EDA: variants seen among roughly 807,000 people sequenced by gnomAD.
The protein encoded by EDA is ectodysplasin A.
Under a neutral mutation model 23.6 loss-of-function variants are expected in EDA, and 2 were observed. The observed-to-expected ratio is 0.08, with a 90% confidence interval of 0.03 to 0.27. The LOEUF (loss-of-function observed/expected upper bound fraction) is 0.27. Among genes scored for constraint, EDA ranks in the 10% least tolerant of loss-of-function variants. The pLI, the probability that EDA is intolerant of heterozygous loss-of-function variation, is 1.00. For missense variants in EDA, 229 were observed against 324.2 expected, an observed-to-expected ratio of 0.71 and a Z score of 2.26; for synonymous variants, 131 against 132.0, an observed-to-expected ratio of 0.99 and a Z score of 0.05.
intron 1 of EDA, among the ~76,000 whole-genome samples, chrX:69,927,661 G>A (rs747027163): frequency 2.7e-5 from 3 of 110,967 alleles, no homozygotes; most frequent in South Asian, 3.8e-4. Context: ...TATCTTAGTG[G>A]TGCCCTCTGT....
intron 1 of EDA, among the ~76,000 whole-genome samples, chrX:69,934,998 C>T (rs918633819): frequency 9.0e-6 from 1 of 111,441 alleles, no homozygotes; most frequent in Non-Finnish European, 1.9e-5. Context: ...TACATCCCCA[C>T]GAGTTCAGTT....
At chrX:69,712,584 G>T (rs1000012977) in intron 1 of EDA, among the ~76,000 whole-genome samples, 1 of 111,433 alleles carries the variant, frequency 9.0e-6, no homozygotes, top group Non-Finnish European at 1.9e-5. Context: ...AGGATGTGGA[G>T]AAATAGGAAC....
chrX:69,894,206 G>A (rs972077795), intron 1 of EDA, among the ~76,000 whole-genome samples: 2 of 111,345 alleles, frequency 1.8e-5, no homozygotes, highest in Non-Finnish European at 3.8e-5. Flanking sequence ...TTGAAGATCA[G>A]ATGGTTGTAG....
At chrX:69,838,884 C>T (rs959906623) in intron 1 of EDA, among the ~76,000 whole-genome samples, 1 of 111,961 alleles carries the variant, frequency 8.9e-6, no homozygotes, top group Non-Finnish European at 1.9e-5. Context: ...TAAGTTTTTC[C>T]CAATCCAAAT....
intron 1 of EDA, among the ~76,000 whole-genome samples, chrX:69,919,770 T>C (rs776176551): frequency 6.2e-4 from 70 of 112,304 alleles, no homozygotes; most frequent in Non-Finnish European, 1.1e-3. Flanking sequence ...TTTCAAATTA[T>C]ATTTAATGTC....
At chrX:69,691,245 C>T (rs1019561039) in intron 1 of EDA, among the ~76,000 whole-genome samples, 1 of 111,479 alleles carries the variant, frequency 9.0e-6, no homozygotes, top group Non-Finnish European at 1.9e-5. Context: ...ATAGATTTGC[C>T]TTTAAAATTA....
At chrX:69,879,127 C>T (rs1569362886) in intron 1 of EDA, among the ~76,000 whole-genome samples, 1 of 108,278 alleles carries the variant, frequency 9.2e-6, no homozygotes, top group Non-Finnish European at 1.9e-5. Flanking sequence ...AGGTACTGTT[C>T]AGCTCTTAGT....
intron 2 of EDA, among the ~76,000 whole-genome samples, chrX:70,021,625 T>C (rs1031607251): frequency 9.0e-6 from 1 of 110,720 alleles, no homozygotes; most frequent in East Asian, 2.8e-4. Context: ...AAAGGATGGG[T>C]AACAAAGAAA....
intron 2 of EDA, among the ~76,000 whole-genome samples, chrX:70,017,738 A>G (rs1213939921): frequency 1.6e-4 from 18 of 111,950 alleles, no homozygotes; most frequent in Non-Finnish European, 1.1e-4. Context: ...ACCCACAGCC[A>G]ACATCATACT....
intron 1 of EDA, among the ~76,000 whole-genome samples, chrX:69,710,850 G>T (rs1186213106): frequency 8.9e-6 from 1 of 112,047 alleles, no homozygotes; most frequent in Non-Finnish European, 1.9e-5. Context: ...TTTGTATCCT[G>T]AGACTTTGCT....
chrX:69,866,934 A>C (rs1296587718), intron 1 of EDA, among the ~76,000 whole-genome samples: 1 of 112,347 alleles, frequency 8.9e-6, no homozygotes, highest in African/African-American at 3.2e-5. Context: ...TAGTCTTGGC[A>C]GAAGCATTGT....
chrX:69,654,336 T>C (rs1286181551), intron 1 of EDA, among the ~76,000 whole-genome samples: 1 of 111,639 alleles, frequency 9.0e-6, no homozygotes, highest in African/African-American at 3.3e-5. Flanking sequence ...GGAACACTTT[T>C]ACACTGTTGG....
At chrX:69,660,794 A>G (rs1441276411) in intron 1 of EDA, among the ~76,000 whole-genome samples, 1 of 111,714 alleles carries the variant, frequency 9.0e-6, no homozygotes, top group African/African-American at 3.3e-5. Flanking sequence ...TAGTGCCGCA[A>G]TAAACATACG....
At chrX:69,648,819 G>T (rs1933004975) in intron 1 of EDA, among the ~76,000 whole-genome samples, 1 of 111,692 alleles carries the variant, frequency 9.0e-6, no homozygotes, top group Non-Finnish European at 1.9e-5. Context: ...GGGTTTCTGT[G>T]TGTGCCTGAG....
chrX:69,851,157 T>TTGTGTGTGTGTG (rs57593985), intron 1 of EDA, among the ~76,000 whole-genome samples: 1,409 of 101,891 alleles, frequency 0.014, 19 homozygotes, highest in South Asian at 0.048. Context: ...GATCAAGGGT[T>TTGTGTGTGTGTG]TGTGTGTGTG....
chrX:69,821,836 T>C (rs1444350582), intron 1 of EDA, among the ~76,000 whole-genome samples: 2 of 112,180 alleles, frequency 1.8e-5, no homozygotes, highest in African/African-American at 6.5e-5. Context: ...TAACATAAAA[T>C]TTACCATCTT....
intron 1 of EDA, among the ~76,000 whole-genome samples, chrX:69,835,724 C>T (rs749379828): frequency 4.5e-5 from 5 of 111,837 alleles, no homozygotes; most frequent in Non-Finnish European, 9.4e-5. Context: ...GTCAACTTGT[C>T]AGTCATTCTC....
chrX:69,623,764 T>C (rs1388392099), intron 1 of EDA, among the ~76,000 whole-genome samples: 1 of 109,816 alleles, frequency 9.1e-6, no homozygotes, highest in Non-Finnish European at 1.9e-5. Flanking sequence ...TCTCTATTTT[T>C]ACATGTGGAG....
chrX:69,962,016 A>G (rs761653917), intron 2 of EDA, among the ~76,000 whole-genome samples: 17 of 112,318 alleles, frequency 1.5e-4, no homozygotes, highest in Non-Finnish European at 3.0e-4. Flanking sequence ...TGTAGAATGT[A>G]TTTGGGAGGT....
Sources: allele counts gnomAD v4.1 joint callset (sites outside exome capture counted in the v4.1 genomes callset), GRCh38; gene constraint gnomAD v4.1.1; transcripts MANE v1.5; gene names NCBI Gene and HGNC (gene_info 2026-07-23, HGNC 2026-07-21).